Variants in PCM1 observed in about 807,000 individuals in gnomAD.
The protein encoded by PCM1 is pericentriolar material 1, also known as pericentriolar material 1 protein.
A neutral mutation model predicts 241.9 loss-of-function variants in PCM1; 157 were observed. The ratio of observed to expected loss-of-function variants is 0.65; its 90% CI spans 0.57 to 0.74. The LOEUF is 0.74. Among genes scored for constraint, PCM1 ranks in the 30% least tolerant of loss-of-function variants. The pLI, the probability that PCM1 is intolerant of heterozygous loss-of-function variation, is 0.00. For missense variants in PCM1, 3,478 were observed against 2,360.1 expected (o/e 1.47, Z -9.81); for synonymous variants, 1,085 against 784.9 (o/e 1.38, Z -6.39).
At chr8:17,964,468 A>G (rs1318590467) in intron 17 of PCM1, 100 bp from the exon 18 acceptor site, 7 of 800,058 alleles carry the variant, frequency 8.7e-6, no homozygotes, top group Non-Finnish European at 1.2e-5. Flanking sequence ...ATATACAGAC[A>G]TGTATATGTA....
chr8:18,025,294 C>T, intron 36 of PCM1, 67 bp from the exon 37 acceptor site: 1 of 835,120 alleles, frequency 1.2e-6, no homozygotes, highest in Non-Finnish European at 2.0e-6. Flanking sequence ...AAATAATTCA[C>T]TATTTCTTTA....
chr8:17,944,010 T>C (rs1366350740), intron 6 of PCM1, among the ~76,000 whole-genome samples: 2 of 152,194 alleles, frequency 1.3e-5, no homozygotes, highest in African/African-American at 4.8e-5. Context: ...TTGTATAAGA[T>C]GTCAGAAGAA....
At chr8:17,990,897 G>C (rs1462403097) in intron 27 of PCM1, among the ~76,000 whole-genome samples, 1 of 152,120 alleles carries the variant, frequency 6.6e-6, no homozygotes, top group African/African-American at 2.4e-5. Flanking sequence ...TGACCTCTAA[G>C]TAAATGCTTA....
chr8:17,966,622 T>C (rs1347507432), intron 20 of PCM1, 149 bp downstream of exon 20: 1 of 644,980 alleles, frequency 1.6e-6, no homozygotes, highest in Non-Finnish European at 2.6e-6. Flanking sequence ...GTGATTTACC[T>C]AATGTTTCCT....
rs1160537244 is a variant in PCM1, at chr8:17,984,839, C to G, written c.4109-608C>G. On this transcript the variant is annotated intron_variant, in intron 24 of 38. Transcript: ENST00000325083. ...ACTTCAGTTGGATCACTTGCCTGCT[C>G]CAATATACACTGAGTATGTAAATAA... Among the ~76,000 whole-genome samples, 27 of 151,830 alleles carry G rather than the reference C, an allele frequency of 1.8e-4. 1 individual carries two copies.
At chr8:17,962,915 AAAT>A in intron 16 of PCM1, 183 bp from the exon 17 acceptor site, 2 of 489,098 alleles carry the variant, frequency 4.1e-6, no homozygotes, top group South Asian at 2.9e-5. Flanking sequence ...AAAAAAAAAA[AAAT>A]TGGCTGATTT....
intron 22 of PCM1, 59 bp downstream of exon 22, chr8:17,969,807 T>C: frequency 8.0e-7 from 1 of 1,251,234 alleles, no homozygotes; most frequent in Non-Finnish European, 1.1e-6. Flanking sequence ...TTACATCTAA[T>C]TATGTGTAAT....
intron 6 of PCM1, among the ~76,000 whole-genome samples, chr8:17,945,207 T>C (rs1389205145): frequency 6.6e-6 from 1 of 152,112 alleles, no homozygotes; most frequent in Non-Finnish European, 1.5e-5. Context: ...TTTTTCCTAA[T>C]GATGTAAACT....
At chr8:17,972,746 C>A in intron 23 of PCM1, 59 bp downstream of exon 23, 1 of 999,726 alleles carries the variant, frequency 1.0e-6, no homozygotes, top group Non-Finnish European at 1.4e-6. Context: ...CTTACTTTGA[C>A]ATGTTGACAT....
intron 30 of PCM1, among the ~76,000 whole-genome samples, chr8:18,008,648 TTACAACAGTCTAA>T (rs2091948266): frequency 6.6e-6 from 1 of 152,160 alleles, no homozygotes; most frequent in Non-Finnish European, 1.5e-5. Context: ...TAATGCATAG[TTACAACAGTCTAA>T]TTAGTTGAGG....
intron 36 of PCM1, among the ~76,000 whole-genome samples, chr8:18,018,436 C>A (rs953087221): frequency 2.0e-5 from 3 of 152,190 alleles, no homozygotes; most frequent in Non-Finnish European, 2.9e-5. Context: ...TGCCCTCATG[C>A]CCCCTAGGGT....
Position 17,985,523 on chromosome 8 carries a change from A to C in PCM1, c.4185A>C (p.Gln1395His). ...CTGAAGTAGCTACATTAATTTCTCA[A>C]AATGAATCTCGTCCACATTTTCTTA... The part of the protein sequence containing the change: ...IYSEVATLIS[Q>H]NESRPHFLIE... The change falls in exon 25 of 39, where the codon CAA becomes CAC. Residue 1395 changes from glutamine (Q) to histidine (H), a missense_variant. Transcript: ENST00000325083. 6.3e-7 allele frequency: 1 copy of C among 1,585,994 alleles called. No individual in the cohort carries two copies. The highest frequency in any genetic ancestry group is 1.1e-5 in the South Asian group (1 of 87,274).
intron 36 of PCM1, among the ~76,000 whole-genome samples, chr8:18,022,860 C>G (rs1444782167): frequency 1.3e-5 from 2 of 152,214 alleles, no homozygotes; most frequent in East Asian, 3.9e-4. Context: ...ACTCTAGAGG[C>G]AAATGGAATA....
chr8:18,020,846 A>T (rs1297304424), intron 36 of PCM1, among the ~76,000 whole-genome samples: 1 of 152,190 alleles, frequency 6.6e-6, no homozygotes, highest in Non-Finnish European at 1.5e-5. Context: ...TGTTGTGGAA[A>T]CAAAGGGTTT....
At chr8:17,968,784 C>T (rs7003879) in intron 21 of PCM1, among the ~76,000 whole-genome samples, 25,596 of 140,598 alleles carry the variant, frequency 0.18, 2,578 homozygotes, top group East Asian at 0.33. Flanking sequence ...ATATACACAC[C>T]ACAGTGTTTT....
chr8:18,021,137 T>C (rs1163499727), intron 36 of PCM1, among the ~76,000 whole-genome samples: 2 of 152,144 alleles, frequency 1.3e-5, no homozygotes, highest in Non-Finnish European at 2.9e-5. Context: ...ACAACAAAAA[T>C]GGAATCTTAA....
In PCM1 at chr8:18,029,281, A is replaced by G; in HGVS notation, c.*1619A>G. Reference sequence around the variant, plus strand: ...TACTGTATTGCTACTTAAATTATGGAAGACAATATATCTTCAACTTTAATA... The same window carrying G: ...TACTGTATTGCTACTTAAATTATGGGAGACAATATATCTTCAACTTTAATA... On this transcript the variant is annotated 3_prime_UTR_variant, in exon 39 of 39. Coordinates refer to ENST00000325083, the MANE Select transcript of PCM1 (RefSeq NM_006197.4). 1 of 213,106 alleles carries G rather than the reference A, an allele frequency of 4.7e-6. No homozygotes were observed. The highest frequency in any genetic ancestry group is 9.5e-6 in the Non-Finnish European group (1 of 105,066). 13.2% of individuals were successfully genotyped at this position (213,106 alleles called of 1,614,324 possible).
At chr8:17,931,947 A>G (rs2059157485) in intron 2 of PCM1, among the ~76,000 whole-genome samples, 2 of 152,164 alleles carry the variant, frequency 1.3e-5, no homozygotes. Context: ...AAGAAAAATC[A>G]CCAGTGCCTA....
chr8:17,950,636 G>C lies in PCM1; in HGVS notation c.983G>C (p.Ser328Thr). 5 of 1,600,352 alleles carry C rather than the reference G, an allele frequency of 3.1e-6. No individual in the cohort carries two copies. The highest frequency in any genetic ancestry group is 2.2e-5 in the East Asian group (1 of 44,680). ...CCAGTTGTTGCAGAAACTGCAGGTA[G>C]CTTATCTGGCGTCAGTATCACATCT... ...DDSVVAETAG[S>T]LSGVSITSEL... The change falls in exon 8 of 39, where the codon AGC becomes ACC. Residue 328 changes from serine (S) to threonine (T), a missense_variant. By Grantham distance (58) the Ser-to-Thr change is moderately conservative (BLOSUM62 1). Transcript: ENST00000325083.
Sources: allele counts gnomAD v4.1 joint callset (sites outside exome capture counted in the v4.1 genomes callset), GRCh38; gene constraint gnomAD v4.1.1; transcripts MANE v1.5; gene names NCBI Gene and HGNC (gene_info 2026-07-23, HGNC 2026-07-21).